ADGRG1: variants seen among roughly 807,000 people sequenced by gnomAD.
The protein encoded by ADGRG1 is 7-transmembrane protein with no EGF-like N-terminal domains-1.
In ADGRG1, 53 loss-of-function variants were observed where a neutral mutation model predicts 73.5. That is an observed-to-expected ratio of 0.72 (90% confidence interval 0.58 to 0.91). ADGRG1 has a LOEUF of 0.91. Among genes scored for constraint, ADGRG1 ranks in the 40% least tolerant of loss-of-function variants. The pLI, the probability that ADGRG1 is intolerant of heterozygous loss-of-function variation, is 0.00. For synonymous variants in ADGRG1, 394 were observed against 374.4 expected, an observed-to-expected ratio of 1.05 and a Z score of -0.60; for missense variants, 795 against 871.8, an observed-to-expected ratio of 0.91 and a Z score of 1.11.
chr16:57,655,154 T>C (rs2045353734), intron 5 of ADGRG1: 1 of 985,284 alleles, frequency 1.0e-6, no homozygotes, highest in Non-Finnish European at 1.2e-6. Flanking sequence ...CAGAACATCA[T>C]GTGGTTCTCC....
chr16:57,657,566 C>A, intron 10 of ADGRG1, 75 bp downstream of exon 10: 1 of 1,139,802 alleles, frequency 8.8e-7, no homozygotes, highest in Non-Finnish European at 1.3e-6. Flanking sequence ...CCGCACACAT[C>A]TCCGGTCATG....
Position 57,647,277 on chromosome 16 carries a change from G to T in ADGRG1, c.-35-2976G>T, listed in dbSNP as rs1037967140. ...TCTGGGTGGGGTTTAACCTTCCATT[G>T]CACTCTCCCGGAAAGGAAGCTTCAT... On this transcript the variant is annotated intron_variant, in intron 1 of 13. Coordinates refer to ENST00000562631, the MANE Select transcript of ADGRG1 (RefSeq NM_201525.4). The T allele has an allele frequency of 4.1e-6, 4 of 985,250 alleles. No individual in the cohort carries two copies. The African/African-American group carries it at 5.2e-5, about 13-fold the overall frequency. 61.0% of individuals were successfully genotyped at this position (985,250 alleles called of 1,614,324 possible). A position where few individuals can be genotyped will look rare whatever the true frequency, so the allele number is the denominator to read the frequency against.
intron 2 of ADGRG1, chr16:57,622,660 G>A: frequency 1.9e-6 from 1 of 520,548 alleles, no homozygotes; most frequent in Non-Finnish European, 2.5e-6. Flanking sequence ...CTGAAGGCTG[G>A]GGGCAGGGGT....
At chr16:57,655,777 C>A in intron 6 of ADGRG1, 99 bp from the exon 7 acceptor site, 1 of 1,612,216 alleles carries the variant, frequency 6.2e-7, no homozygotes, top group Non-Finnish European at 8.5e-7. Context: ...AGGCAATGTG[C>A]TGGGAGAGGG....
intron 2 of ADGRG1, 40 bp downstream of exon 2, chr16:57,650,391 C>A (rs537226567): frequency 3.7e-6 from 6 of 1,608,736 alleles, no homozygotes; most frequent in Admixed American, 1.7e-5. Context: ...TTGGAACTTA[C>A]GTTAAAATGC....
At chr16:57,631,519 A>G in intron 1 of ADGRG1, 2 of 985,434 alleles carry the variant, frequency 2.0e-6, no homozygotes, top group South Asian at 4.7e-5. Flanking sequence ...AAACCCCAGC[A>G]CCACCTCCTC....
chr16:57,621,879 G>T, intron 2 of ADGRG1: 1 of 985,096 alleles, frequency 1.0e-6, no homozygotes, highest in Non-Finnish European at 1.2e-6. Flanking sequence ...TGCCAAGGCT[G>T]GGACCCCTAG....
intron 11 of ADGRG1, chr16:57,660,334 C>A: frequency 1.0e-6 from 1 of 985,056 alleles, no homozygotes; most frequent in Non-Finnish European, 1.2e-6. Flanking sequence ...TGTGTCAGGA[C>A]TTTGTGTTTG....
At chr16:57,642,456 T>C (rs1308001928) in intron 1 of ADGRG1, 4 of 985,270 alleles carry the variant, frequency 4.1e-6, no homozygotes, top group East Asian at 2.3e-4. Flanking sequence ...GGCAGGCTTC[T>C]GTGTGGCGTC....
Position 57,628,933 on chromosome 16 carries a change from AGTGT to A in ADGRG1, c.-36+133_-36+136del, listed in dbSNP as rs1203677741. On this transcript the variant is annotated intron_variant, in intron 1 of 13. Coordinates refer to ENST00000562631, the MANE Select transcript of ADGRG1 (RefSeq NM_201525.4). The stretch of plus-strand genomic sequence containing the variant: ...GTGTGTGAGAGTGAGTGTGAGTGTG[AGTGT>A]GAGCGTGAGAGTGTGAGAGTGTGTG... The A allele has an allele frequency of 1.9e-5, 13 of 684,586 alleles. No homozygotes were observed. The East Asian group carries it at 5.5e-4, about 29-fold the overall frequency. 42.4% of individuals were successfully genotyped at this position (684,586 alleles called of 1,614,324 possible).
At position 57,660,779 on chromosome 16, in the gene ADGRG1, T is replaced by C. The variant is rs745394256; in HGVS notation, c.1567T>C (p.Phe523Leu). The C allele has an allele frequency of 3.5e-5, 57 of 1,610,738 alleles. No homozygotes were observed. The highest frequency in any genetic ancestry group is 8.5e-7 in the Non-Finnish European group (1 of 1,177,326). ...ATTGCCACCCTCAGGCTTCCCCATC[T>C]TTCTGGTGACGCTGGTGGCCCTGGT... ...LSAMGWGFPIFLVTLVALVDV... is the reference protein window; with the variant it reads ...LSAMGWGFPILLVTLVALVDV... The change falls in exon 12 of 14, where the codon TTT (phenylalanine) becomes CTT (leucine). Residue 523 changes from phenylalanine to leucine, a missense_variant. Physicochemically the swap from Phe to Leu is conservative, Grantham distance 22. Transcript: ENST00000562631.
chr16:57,657,285 G>A (rs1408849396), intron 9 of ADGRG1, 88 bp from the exon 10 acceptor site: 3 of 1,598,470 alleles, frequency 1.9e-6, no homozygotes, highest in Non-Finnish European at 2.6e-6. Flanking sequence ...GGCCCACCAG[G>A]GACCCCAGGT....
At chr16:57,655,330 T>C (rs1395074471) in intron 5 of ADGRG1, 69 bp from the exon 6 acceptor site, 1 of 1,599,328 alleles carries the variant, frequency 6.3e-7, no homozygotes, top group African/African-American at 1.3e-5. Flanking sequence ...TGTGTGTGTG[T>C]GTGTGCTAGG....
rs116211375 is a variant in ADGRG1, at chr16:57,659,162, T to G, written c.1287-251T>G. 11,868 of 985,354 alleles carry G rather than the reference T, an allele frequency of 0.012. 923 individuals carry two copies. The African/African-American group carries it at 0.18, about 15-fold the overall frequency. The allele number at this position is 985,354 out of a possible 1,614,324, so 61.0% of individuals were successfully genotyped here. ...TTATTACTGTGGTTGTCTTCCTCGC[T>G]CTGCCTGGCTGAGGCTTCTGTTAAA... On this transcript the variant is annotated intron_variant, in intron 10 of 13. Transcript: ENST00000562631.
At chr16:57,661,477 A>C in intron 12 of ADGRG1, 1 of 982,632 alleles carries the variant, frequency 1.0e-6, no homozygotes, top group Non-Finnish European at 1.2e-6. Flanking sequence ...TTTCTGCCTC[A>C]CTTTTGTACT....
At chr16:57,644,558 C>T (rs951685067) in intron 1 of ADGRG1, among the ~76,000 whole-genome samples, 1 of 143,672 alleles carries the variant, frequency 7.0e-6, no homozygotes, top group Non-Finnish European at 1.5e-5. Flanking sequence ...CATGCACACA[C>T]GGACACTTAT....
At chr16:57,632,281 G>A (rs2038166668) in intron 1 of ADGRG1, 3 of 985,438 alleles carry the variant, frequency 3.0e-6, no homozygotes, top group African/African-American at 3.5e-5. Flanking sequence ...TAGGGTGACA[G>A]GGCCCGTAGA....
chr16:57,659,300 G>A, intron 10 of ADGRG1, 113 bp from the exon 11 acceptor site: 1 of 1,587,472 alleles, frequency 6.3e-7, no homozygotes, highest in Non-Finnish European at 8.5e-7. Flanking sequence ...ATGTATGACT[G>A]CATGTGTGTG....
At chr16:57,655,680 T>C in intron 6 of ADGRG1, 150 bp downstream of exon 6, 1 of 1,588,120 alleles carries the variant, frequency 6.3e-7, no homozygotes, top group South Asian at 1.1e-5. Flanking sequence ...CAAATCTCCC[T>C]GTGAGAGGGC....
Sources: gnomAD v4.1 joint callset for allele counts (sites outside exome capture counted in the v4.1 genomes callset) on GRCh38, gnomAD v4.1.1 for gene constraint, MANE v1.5 for transcripts, NCBI Gene and HGNC (gene_info 2026-07-23, HGNC 2026-07-21) for gene names.